Variants in STAB2 observed in about 807,000 individuals in gnomAD.
The protein encoded by STAB2 is stabilin 2, also known as stabilin-2.
A neutral mutation model predicts 338.1 loss-of-function variants in STAB2; 288 were observed. The observed-to-expected ratio is 0.85, with a 90% CI of 0.77 to 0.94. The LOEUF (loss-of-function observed/expected upper bound fraction) is 0.94. STAB2 is among the 40% of genes least tolerant of loss of function. The pLI, the probability that STAB2 is intolerant of heterozygous loss-of-function variation, is 0.00. For missense variants in STAB2, 3,141 were observed against 3,210.1 expected, an observed-to-expected ratio of 0.98 and a Z score of 0.52; for synonymous variants, 1,202 against 1,193.3, an observed-to-expected ratio of 1.01 and a Z score of -0.15.
intron 40 of STAB2, among the ~76,000 whole-genome samples, chr12:103,711,925 A>C (rs1416787259): frequency 6.6e-6 from 1 of 152,214 alleles, no homozygotes; most frequent in Non-Finnish European, 1.5e-5. Flanking sequence ...ACATGAATTC[A>C]AAGTCAGCCT....
rs879347335 is a variant in STAB2 at position 103,671,448 on chromosome 12, GA to G, written c.2371+651del. ...CCTGGGTGACAGTGAGATTCCATCTGAAAAAAAAAAGAATCAGATTCACTCC... is the reference window on the plus strand; with the variant it reads ...CCTGGGTGACAGTGAGATTCCATCTGAAAAAAAAAGAATCAGATTCACTCC... On this transcript the variant is annotated intron_variant, in intron 22 of 68. Coordinates refer to ENST00000388887, the MANE Select transcript of STAB2 (RefSeq NM_017564.10). Among the ~76,000 whole-genome samples, 170 of 147,824 alleles carry G rather than the reference GA, an allele frequency of 1.2e-3. No individual in the cohort carries two copies. In the Middle Eastern group the frequency reaches 0.014, roughly 12 times the overall value.
chr12:103,609,313 C>A (rs1300278828), intron 3 of STAB2, among the ~76,000 whole-genome samples: 1 of 152,172 alleles, frequency 6.6e-6, no homozygotes, highest in Admixed American at 6.5e-5. Context: ...TTCTTCCTAC[C>A]CATGAGCATG....
At chr12:103,760,716 C>G (rs1299705097) in intron 65 of STAB2, among the ~76,000 whole-genome samples, 1 of 152,170 alleles carries the variant, frequency 6.6e-6, no homozygotes, top group East Asian at 1.9e-4. Context: ...TAGTGCCTGA[C>G]AGGTAGCAAG....
At chr12:103,612,858 G>A (rs12306237) in intron 3 of STAB2, among the ~76,000 whole-genome samples, 10,514 of 152,200 alleles carry the variant, frequency 0.069, 384 homozygotes, top group Non-Finnish European at 0.081. Context: ...CGTACAGATG[G>A]GGTTTTGGTG....
chr12:103,684,114 C>T lies in STAB2; in HGVS notation c.2901+814C>T, dbSNP rs117458761. Among the ~76,000 whole-genome samples, 1,372 of 152,320 alleles carry T rather than the reference C, an allele frequency of 9.0e-3. 13 individuals are homozygous for T. The highest frequency in any genetic ancestry group is 0.038 in the South Asian group (185 of 4,818). On this transcript the variant is annotated intron_variant, in intron 26 of 68. Coordinates refer to ENST00000388887, the MANE Select transcript of STAB2 (RefSeq NM_017564.10). ...ACCTCTCGTTTGACTTCCCTCTGTG[C>T]ATTTTCTTTCTCTCTGCCTCTGTCT...
At chr12:103,610,862 T>C (rs1361808922) in intron 3 of STAB2, among the ~76,000 whole-genome samples, 1 of 152,228 alleles carries the variant, frequency 6.6e-6, no homozygotes, top group Non-Finnish European at 1.5e-5. Flanking sequence ...GCTTTAAATG[T>C]GTCCCAGAGA....
intron 49 of STAB2, among the ~76,000 whole-genome samples, chr12:103,730,576 C>A (rs1301871253): frequency 2.0e-5 from 3 of 152,106 alleles, no homozygotes; most frequent in African/African-American, 7.2e-5. Context: ...GTAATTTTAA[C>A]TTTTATTTTT....
intron 9 of STAB2, among the ~76,000 whole-genome samples, chr12:103,644,467 C>T (rs1873182027): frequency 6.6e-6 from 1 of 150,824 alleles, no homozygotes; most frequent in South Asian, 2.1e-4. Flanking sequence ...GACCCTCCCT[C>T]CACTATTGTC....
In STAB2 at chr12:103,762,409, G is replaced by C; in HGVS notation, c.7488+7G>C. The C allele has an allele frequency of 6.2e-7, 1 of 1,614,202 alleles. No individual in the cohort carries two copies. Among genetic ancestry groups the C allele is most frequent in the Non-Finnish European group, 8.5e-7 (1 of 1,180,032 alleles). ...CGGCTTCCAGCATTTTGAGGTAAGA[G>C]AGAAAAATGGGAACATGATGATGGG... On this transcript the variant is annotated splice_region_variant and intron_variant, in intron 67 of 68. Transcript: ENST00000388887.
intron 54 of STAB2, 90 bp downstream of exon 54, chr12:103,739,558 T>C: frequency 1.1e-6 from 1 of 898,858 alleles, no homozygotes; most frequent in Non-Finnish European, 1.6e-6. Flanking sequence ...TGTGTGTGTG[T>C]GTGTGTGTGT....
At chr12:103,741,755 T>C (rs1410537227) in intron 55 of STAB2, among the ~76,000 whole-genome samples, 1 of 152,220 alleles carries the variant, frequency 6.6e-6, no homozygotes, top group Non-Finnish European at 1.5e-5. Context: ...GTGCCTGGCC[T>C]GTTGACCCCA....
At chr12:103,671,472 T>C (rs1875781976) in intron 22 of STAB2, among the ~76,000 whole-genome samples, 1 of 152,034 alleles carries the variant, frequency 6.6e-6, no homozygotes, top group Non-Finnish European at 1.5e-5. Context: ...TCAGATTCAC[T>C]CCCTACCTTT....
intron 13 of STAB2, 156 bp downstream of exon 13, chr12:103,654,854 G>A (rs2138745190): frequency 1.1e-6 from 1 of 908,448 alleles, no homozygotes; most frequent in East Asian, 2.7e-5. Flanking sequence ...GTTTCCAATA[G>A]AAACCTGGGA....
intron 3 of STAB2, among the ~76,000 whole-genome samples, chr12:103,604,003 A>T (rs533143416): frequency 6.6e-6 from 1 of 152,104 alleles, no homozygotes; most frequent in Admixed American, 6.5e-5. Context: ...TGAAATTTCA[A>T]TCCCTAATTG....
At chr12:103,610,308 G>A (rs772239820) in intron 3 of STAB2, among the ~76,000 whole-genome samples, 16 of 152,274 alleles carry the variant, frequency 1.1e-4, no homozygotes, top group East Asian at 1.9e-4. Flanking sequence ...CTGTGAATCC[G>A]TCTGGTCATG....
intron 2 of STAB2, among the ~76,000 whole-genome samples, chr12:103,593,633 G>A (rs1956832893): frequency 6.6e-6 from 1 of 152,184 alleles, no homozygotes; most frequent in Non-Finnish European, 1.5e-5. Flanking sequence ...TTAATCAGCT[G>A]TATTTCAAGG....
intron 4 of STAB2, among the ~76,000 whole-genome samples, chr12:103,620,895 G>A (rs552011122): frequency 1.4e-4 from 22 of 152,184 alleles, no homozygotes; most frequent in East Asian, 5.8e-4. Context: ...TCAGGAGATC[G>A]AGACCATCCT....
At chr12:103,603,074 T>C (rs1048896244) in intron 3 of STAB2, among the ~76,000 whole-genome samples, 4 of 152,158 alleles carry the variant, frequency 2.6e-5, no homozygotes, top group African/African-American at 9.7e-5. Flanking sequence ...GTTTTTGTTT[T>C]GTTTTGTTTT....
intron 6 of STAB2, 59 bp from the exon 7 acceptor site, chr12:103,637,052 G>A (rs1322735897): frequency 3.3e-6 from 5 of 1,507,820 alleles, no homozygotes; most frequent in African/African-American, 1.4e-5. Flanking sequence ...CTGCAGTTTG[G>A]GGGTCTTAAG....
Sources: gnomAD v4.1 joint callset for allele counts (sites outside exome capture counted in the v4.1 genomes callset) on GRCh38, gnomAD v4.1.1 for gene constraint, MANE v1.5 for transcripts, NCBI Gene and HGNC (gene_info 2026-07-23, HGNC 2026-07-21) for gene names.